The following SLC35D4 variants were observed in gnomAD, a reference collection of about 807,000 sequenced individuals.
SLC35D4 encodes the protein solute carrier family 35 member D4, also known as UDP-N-acetylglucosamine transporter SLC35D4.
At chr18:23,393,798 T>C in the SLC35D4 span, among the ~76,000 whole-genome samples, 2 of 152,078 alleles carry the variant, frequency 1.3e-5, no homozygotes, top group East Asian at 1.9e-4. Flanking sequence ...TTTGTATTTT[T>C]AGTAGAGGCA....
the SLC35D4 span, among the ~76,000 whole-genome samples, chr18:23,241,756 T>C: frequency 2.6e-5 from 4 of 152,330 alleles, no homozygotes; most frequent in East Asian, 3.9e-4. Context: ...TGTTTATCTT[T>C]GTGCGTGTGT....
chr18:23,254,717 G>C, the SLC35D4 span, among the ~76,000 whole-genome samples: 1 of 152,138 alleles, frequency 6.6e-6, no homozygotes. Flanking sequence ...ATCCTTAATT[G>C]CAGAGAAAGA....
the SLC35D4 span, among the ~76,000 whole-genome samples, chr18:23,255,578 G>A: frequency 3.9e-4 from 24 of 61,772 alleles, 1 homozygote; most frequent in East Asian, 0.012. Flanking sequence ...TTTTTTTTTT[G>A]AGACAGGGTC....
chr18:23,330,367 A>G, the SLC35D4 span, among the ~76,000 whole-genome samples: 1 of 152,210 alleles, frequency 6.6e-6, no homozygotes, highest in Non-Finnish European at 1.5e-5. Flanking sequence ...TACATGTTCT[A>G]TAATTAGCCT....
At chr18:23,340,524 G>T in the SLC35D4 span, among the ~76,000 whole-genome samples, 1 of 152,052 alleles carries the variant, frequency 6.6e-6, no homozygotes, top group Non-Finnish European at 1.5e-5. Context: ...AAGAGTGAGG[G>T]CCACCTTCAT....
At chr18:23,341,026 A>G in the SLC35D4 span, among the ~76,000 whole-genome samples, 1 of 152,164 alleles carries the variant, frequency 6.6e-6, no homozygotes, top group Non-Finnish European at 1.5e-5. Flanking sequence ...CACACACACC[A>G]CATCTTCCTT....
At chr18:23,330,978 A>AC in the SLC35D4 span, 1 of 152,038 alleles carries the variant, frequency 6.6e-6, no homozygotes, top group African/African-American at 2.4e-5. Flanking sequence ...AACTAGCGAG[A>AC]CCCCATCTCT....
the SLC35D4 span, chr18:23,253,866 G>C: frequency 6.2e-7 from 1 of 1,614,082 alleles, no homozygotes; most frequent in African/African-American, 1.3e-5. Flanking sequence ...CTGTGTGCTG[G>C]GGCATGTGTG....
chr18:23,248,512 C>CTTT, the SLC35D4 span, among the ~76,000 whole-genome samples: 1,218 of 90,704 alleles, frequency 0.013, 50 homozygotes, highest in African/African-American at 0.049. Context: ...GACCCTATGT[C>CTTT]TTTTTTTTTT....
the SLC35D4 span, among the ~76,000 whole-genome samples, chr18:23,356,406 C>A: frequency 6.6e-6 from 1 of 152,128 alleles, no homozygotes; most frequent in East Asian, 1.9e-4. The surrounding 1 kb of genome is among the most constrained non-coding windows in gnomAD (Gnocchi z 4.1). Flanking sequence ...AGGGCCCAAG[C>A]TGGCCCTGAG....
chr18:23,240,971 C>T, the SLC35D4 span, among the ~76,000 whole-genome samples: 268 of 152,358 alleles, frequency 1.8e-3, 1 homozygote, highest in African/African-American at 6.1e-3. Flanking sequence ...TCCATGAATT[C>T]TGTAACCACT....
At chr18:23,270,706 A>G in the SLC35D4 span, among the ~76,000 whole-genome samples, 2 of 152,162 alleles carry the variant, frequency 1.3e-5, no homozygotes, top group African/African-American at 4.8e-5. Flanking sequence ...GTCAAAAGAG[A>G]TTATGTGAGT....
At chr18:23,417,907 G>A in the SLC35D4 span, among the ~76,000 whole-genome samples, 1 of 152,082 alleles carries the variant, frequency 6.6e-6, no homozygotes, top group Admixed American at 6.6e-5. Context: ...CCTCATTCTG[G>A]CCCAAGCTCC....
the SLC35D4 span, among the ~76,000 whole-genome samples, chr18:23,254,819 G>A: frequency 2.6e-5 from 4 of 152,084 alleles, no homozygotes; most frequent in Non-Finnish European, 5.9e-5. Flanking sequence ...ACTCCCAAAG[G>A]CCCCATCTCC....
the SLC35D4 span, chr18:23,296,965 GC>G: frequency 1.3e-5 from 2 of 152,076 alleles, no homozygotes; most frequent in African/African-American, 4.8e-5. Flanking sequence ...CCATAAAAAG[GC>G]TGTCACTCAC....
At chr18:23,246,124 T>C in the SLC35D4 span, among the ~76,000 whole-genome samples, 1 of 151,846 alleles carries the variant, frequency 6.6e-6, no homozygotes, top group Non-Finnish European at 1.5e-5. Flanking sequence ...ATTAGCCGGG[T>C]GTGGTGGTGC....
chr18:23,354,362 A>AAG, the SLC35D4 span, among the ~76,000 whole-genome samples: 2 of 149,618 alleles, frequency 1.3e-5, no homozygotes, highest in African/African-American at 4.9e-5. Flanking sequence ...AAAAAAAAAA[A>AAG]AAAAGAAAAT....
chr18:23,347,153 A>C, the SLC35D4 span, among the ~76,000 whole-genome samples: 1 of 152,200 alleles, frequency 6.6e-6, no homozygotes, highest in African/African-American at 2.4e-5. Context: ...TTTTCCTAAA[A>C]ACCTAAGAAA....
chr18:23,326,693 C>A, the SLC35D4 span, among the ~76,000 whole-genome samples: 1 of 152,180 alleles, frequency 6.6e-6, no homozygotes, highest in Non-Finnish European at 1.5e-5. Context: ...AGCTCTGCCA[C>A]AAGCAGACCT....
Sources: allele counts gnomAD v4.1 joint callset (sites outside exome capture counted in the v4.1 genomes callset), GRCh38; gene constraint gnomAD v4.1.1; non-coding constraint Gnocchi (gnomAD v3.1); transcripts MANE v1.5; gene names NCBI Gene and HGNC (gene_info 2026-07-23, HGNC 2026-07-21).